Variants in DLG2 observed in about 807,000 individuals in gnomAD.
The protein encoded by DLG2 is discs large MAGUK scaffold protein 2.
DLG2 carries 45 observed loss-of-function variants against 132.5 expected under a neutral mutation model. The observed-to-expected ratio is 0.34, with a 90% CI of 0.27 to 0.44. The LOEUF is 0.44. DLG2 is among the 20% of genes least tolerant of loss of function. DLG2 has a pLI of 1.00. For synonymous variants in DLG2, 424 were observed against 419.6 expected, an observed-to-expected ratio of 1.01 and a Z score of -0.13; for missense variants, 1,045 against 1,196.9, an observed-to-expected ratio of 0.87 and a Z score of 1.87.
intron 7 of DLG2, among the ~76,000 whole-genome samples, chr11:84,443,043 T>C (rs988972705): frequency 3.9e-5 from 6 of 152,116 alleles, no homozygotes; most frequent in Non-Finnish European, 8.8e-5. Flanking sequence ...TATAGATAAG[T>C]GTGAAAAAAA....
intron 3 of DLG2, among the ~76,000 whole-genome samples, chr11:85,492,724 G>C (rs12273717): frequency 6.9e-6 from 1 of 145,640 alleles, no homozygotes; most frequent in African/African-American, 2.8e-5. Context: ...TTAAAATATA[G>C]GTTACATGGC....
At chr11:83,599,191 C>A (rs574914737) in intron 19 of DLG2, among the ~76,000 whole-genome samples, 1 of 152,292 alleles carries the variant, frequency 6.6e-6, no homozygotes, top group Admixed American at 6.5e-5. Flanking sequence ...TCTCTATGAA[C>A]TACAGCCTTA....
At chr11:83,688,972 A>T (rs1447623161) in intron 18 of DLG2, among the ~76,000 whole-genome samples, 1 of 152,160 alleles carries the variant, frequency 6.6e-6, no homozygotes, top group Non-Finnish European at 1.5e-5. Context: ...ACGATGTCCC[A>T]GGCACTACAT....
At chr11:85,289,485 A>G (rs1200409199) in intron 3 of DLG2, among the ~76,000 whole-genome samples, 1 of 152,202 alleles carries the variant, frequency 6.6e-6, no homozygotes, top group African/African-American at 2.4e-5. Context: ...AATTATTTTT[A>G]CTAAAACTGG....
chr11:83,550,356 T>A (rs2096359840), intron 19 of DLG2, among the ~76,000 whole-genome samples: 1 of 152,140 alleles, frequency 6.6e-6, no homozygotes, highest in Admixed American at 6.6e-5. Context: ...CCAAGAGATG[T>A]GGTATGAGCA....
In DLG2 at chr11:84,098,996, T is replaced by C; in HGVS notation, c.676A>G (p.Ile226Val). The change falls in exon 10 of 28, where the codon ATT (isoleucine) becomes GTT (valine). Residue 226 changes from isoleucine (I) to valine (V), a missense_variant. This residue lies in a region of DLG2 where 109 missense variants were observed against 159.1 expected (regional missense o/e 0.69). Transcript: ENST00000376104. ...SIAGGTDNPHIGDDPGIFITK... is the reference protein window; with the variant it reads ...SIAGGTDNPHVGDDPGIFITK... Reference sequence around the variant, plus strand: ...ATAAATATGCCAGGGTCATCTCCAATGTGGGGATTATCTGTCCCCCCAGCA... The same window carrying C: ...ATAAATATGCCAGGGTCATCTCCAACGTGGGGATTATCTGTCCCCCCAGCA... 1.9e-6 allele frequency: 3 copies of C among 1,613,188 alleles called. No homozygotes were observed. Among genetic ancestry groups the C allele is most frequent in the African/African-American group, 1.3e-5 (1 of 75,026 alleles).
intron 6 of DLG2, among the ~76,000 whole-genome samples, chr11:84,663,063 C>T (rs11234111): frequency 0.16 from 24,187 of 151,808 alleles, 2,271 homozygotes; most frequent in South Asian, 0.27. Context: ...TGTTTATTAC[C>T]GGAAAATACA....
At position 84,534,145 on chromosome 11, in the gene DLG2, T is replaced by C. The variant is rs187388161; in HGVS notation, c.519+425A>G. Among the ~76,000 whole-genome samples, 374 of 152,244 alleles carry C rather than the reference T, an allele frequency of 2.5e-3. 1 individual carries two copies. The highest frequency in any genetic ancestry group is 4.2e-3 in the Non-Finnish European group (289 of 68,012). ...AAAATAGAGGAATTGATTAGACAAT[T>C]CACACATTTTCCTTTATAGTTTAGA... is the stretch of plus-strand genomic sequence containing the variant. On this transcript the variant is annotated intron_variant, in intron 7 of 27. Transcript: ENST00000376104.
chr11:84,286,170 T>C (rs2097908120), intron 7 of DLG2, among the ~76,000 whole-genome samples: 1 of 152,202 alleles, frequency 6.6e-6, no homozygotes, highest in African/African-American at 2.4e-5. Flanking sequence ...TTCCAAGTTC[T>C]TTATCACGTG....
chr11:84,541,324 C>G (rs890669272), intron 6 of DLG2, among the ~76,000 whole-genome samples: 1 of 151,986 alleles, frequency 6.6e-6, no homozygotes, highest in African/African-American at 2.4e-5. Context: ...GTCTCCCTAT[C>G]TTAGTTCATT....
intron 4 of DLG2, among the ~76,000 whole-genome samples, chr11:85,211,932 A>T (rs1054738503): frequency 6.6e-6 from 1 of 151,832 alleles, no homozygotes; most frequent in Non-Finnish European, 1.5e-5. Context: ...AAAGGTCTCT[A>T]TATTTCTTGA....
intron 6 of DLG2, among the ~76,000 whole-genome samples, chr11:84,977,835 T>A (rs1364483178): frequency 6.6e-6 from 1 of 152,162 alleles, no homozygotes; most frequent in Non-Finnish European, 1.5e-5. Flanking sequence ...GATGGAGATT[T>A]GTATCATTTA....
intron 7 of DLG2, among the ~76,000 whole-genome samples, chr11:84,480,575 T>C (rs1400998523): frequency 6.6e-6 from 1 of 152,112 alleles, no homozygotes; most frequent in East Asian, 1.9e-4. Context: ...TGGTATACAC[T>C]GTGCTAATCC....
At chr11:85,102,094 A>G (rs939020102) in intron 6 of DLG2, among the ~76,000 whole-genome samples, 10 of 152,014 alleles carry the variant, frequency 6.6e-5, no homozygotes, top group African/African-American at 2.2e-4. Context: ...GATACAAAGC[A>G]TAGCTAATTA....
intron 6 of DLG2, among the ~76,000 whole-genome samples, chr11:84,942,083 G>C (rs1318552153): frequency 6.6e-6 from 1 of 152,056 alleles, no homozygotes; most frequent in African/African-American, 2.4e-5. Flanking sequence ...AACTTCGGTG[G>C]TATCAGTTGT....
At chr11:85,415,702 GT>G (rs973556653) in intron 3 of DLG2, among the ~76,000 whole-genome samples, 2 of 151,740 alleles carry the variant, frequency 1.3e-5, no homozygotes, top group African/African-American at 4.8e-5. Flanking sequence ...TTTTTGTTGG[GT>G]TTTTTTCTTG....
intron 3 of DLG2, among the ~76,000 whole-genome samples, chr11:85,391,213 T>A (rs964042502): frequency 2.0e-5 from 3 of 152,134 alleles, no homozygotes; most frequent in African/African-American, 7.2e-5. Flanking sequence ...CCTGGAAGTA[T>A]ACAAATTCCT....
At chr11:84,192,055 C>G (rs1195987610) in intron 8 of DLG2, among the ~76,000 whole-genome samples, 1 of 151,822 alleles carries the variant, frequency 6.6e-6, no homozygotes, top group Non-Finnish European at 1.5e-5. Flanking sequence ...TTTTAAAGGA[C>G]ACATTAATCC....
intron 20 of DLG2, among the ~76,000 whole-genome samples, chr11:83,538,150 C>T (rs1032681776): frequency 6.6e-6 from 1 of 152,208 alleles, no homozygotes; most frequent in Non-Finnish European, 1.5e-5. Context: ...CAAAAGGCTG[C>T]TACAAAGATG....
Sources: gnomAD v4.1 joint callset for allele counts (sites outside exome capture counted in the v4.1 genomes callset) on GRCh38, gnomAD v4.1.1 for gene constraint, gnomAD v4.1.1 regional missense constraint, MANE v1.5 for transcripts, NCBI Gene and HGNC (gene_info 2026-07-23, HGNC 2026-07-21) for gene names.